The following VSTM2A variants were observed in gnomAD, a reference collection of about 807,000 sequenced individuals.
The protein encoded by VSTM2A is V-set and transmembrane domain-containing protein 2A.
A neutral mutation model predicts 27.3 loss-of-function variants in VSTM2A; 13 were observed. The observed-to-expected ratio is 0.48, with a 90% CI of 0.31 to 0.76. The LOEUF (loss-of-function observed/expected upper bound fraction) is 0.76. Ranked by LOEUF, VSTM2A falls within the 30% of genes least tolerant of loss-of-function variation. The pLI, the probability that VSTM2A is intolerant of heterozygous loss-of-function variation, is 0.05. For synonymous variants in VSTM2A, 142 were observed against 125.7 expected, an observed-to-expected ratio of 1.13 and a Z score of -0.87; for missense variants, 280 against 310.0, an observed-to-expected ratio of 0.90 and a Z score of 0.73.
intron 4 of VSTM2A, among the ~76,000 whole-genome samples, chr7:54,554,705 C>G (rs1245758451): frequency 6.6e-6 from 1 of 152,206 alleles, no homozygotes; most frequent in Non-Finnish European, 1.5e-5. Context: ...AGTGCAGCCA[C>G]CTTACTGAGT....
intron 2 of VSTM2A, 21 bp downstream of exon 2, chr7:54,544,809 C>A: frequency 6.3e-7 from 1 of 1,580,162 alleles, no homozygotes; most frequent in Non-Finnish European, 8.6e-7. Flanking sequence ...CCGCCGACCC[C>A]GCGTCTCCCC....
chr7:54,549,248 C>T (rs1788103083), intron 3 of VSTM2A, among the ~76,000 whole-genome samples: 1 of 151,984 alleles, frequency 6.6e-6, no homozygotes, highest in South Asian at 2.1e-4. Flanking sequence ...GAAGCTGTAC[C>T]CCAAGCCATG....
At chr7:54,564,900 A>T in intron 4 of VSTM2A, among the ~76,000 whole-genome samples, 1 of 152,244 alleles carries the variant, frequency 6.6e-6, no homozygotes, top group East Asian at 1.9e-4. Flanking sequence ...CATTACAAAG[A>T]ACAAAGAAGC....
At chr7:54,550,855 G>A (rs568173140) in intron 4 of VSTM2A, 2 of 152,690 alleles carry the variant, frequency 1.3e-5, no homozygotes, top group African/African-American at 4.8e-5. Flanking sequence ...ATGGAAATGC[G>A]TGGAAGTTTT....
At chr7:54,551,242 A>G (rs1788183818) in intron 4 of VSTM2A, 1 of 152,152 alleles carries the variant, frequency 6.6e-6, no homozygotes, top group Non-Finnish European at 1.5e-5. Flanking sequence ...ACATGTAGAA[A>G]TACATATAGG....
At position 54,550,017 on chromosome 7, in the gene VSTM2A, G is replaced by A. The variant is rs548506452; in HGVS notation, c.481G>A (p.Glu161Lys). ...NSHARRMQAF[E>K]ASPMWLQDMK... Reference sequence around the variant, plus strand: ...CCATGCCCGCAGAATGCAGGCCTTCGAAGCCTCGCCCATGTGGCTGCAGGA... The same window carrying A: ...CCATGCCCGCAGAATGCAGGCCTTCAAAGCCTCGCCCATGTGGCTGCAGGA... Residue 161 changes from glutamate to lysine, a missense_variant, in exon 4 of 5, where the codon GAA (glutamate) becomes AAA (lysine). Glu to Lys is a moderately conservative substitution (Grantham distance 56). Coordinates refer to ENST00000402613, the MANE Select transcript of VSTM2A (RefSeq NM_001301009.2). 10 of 1,611,666 alleles carry A rather than the reference G, an allele frequency of 6.2e-6. No individual in the cohort carries two copies. Among genetic ancestry groups the A allele is most frequent in the South Asian group, 3.3e-5 (3 of 90,540 alleles).
At position 54,550,120 on chromosome 7, in the gene VSTM2A, C is replaced by T. The variant is rs763197564; in HGVS notation, c.584C>T (p.Thr195Ile). Residue 195 changes from threonine to isoleucine, a missense_variant, in exon 4 of 5, where the codon ACC becomes ATC. Physicochemically the swap from Thr to Ile is moderately conservative, Grantham distance 89 (BLOSUM62 -1). Coordinates refer to ENST00000402613, the MANE Select transcript of VSTM2A (RefSeq NM_001301009.2). ...TCTGCCAACCAACGAACGCACTCCA[C>T]CTCCAGCCCTCAAGTGGTAGCCAAA... ...HGSANQRTHS[T>I]SSPQVVAKIP... The T allele has an allele frequency of 1.7e-5, 28 of 1,607,022 alleles. No individual in the cohort carries two copies. The highest frequency in any genetic ancestry group is 1.9e-5 in the Non-Finnish European group (22 of 1,176,832).
At chr7:54,559,859 C>T (rs1468862936) in intron 4 of VSTM2A, 1 of 151,956 alleles carries the variant, frequency 6.6e-6, no homozygotes, top group Non-Finnish European at 1.5e-5. Flanking sequence ...CGTGAAAAAA[C>T]ATAGGATACA....
At chr7:54,562,897 G>T (rs11971187) in intron 4 of VSTM2A, among the ~76,000 whole-genome samples, 1 of 152,154 alleles carries the variant, frequency 6.6e-6, no homozygotes, top group African/African-American at 2.4e-5. Flanking sequence ...GAATGCTAAC[G>T]AATAATGAAA....
intron 3 of VSTM2A, 34 bp downstream of exon 3, chr7:54,547,031 A>T (rs751473431): frequency 1.9e-6 from 3 of 1,559,802 alleles, no homozygotes; most frequent in Non-Finnish European, 2.6e-6. Context: ...CCGCGGGCCC[A>T]GGCTCGGGAC....
intron 4 of VSTM2A, among the ~76,000 whole-genome samples, chr7:54,566,247 A>T (rs564046980): frequency 6.6e-6 from 1 of 152,228 alleles, no homozygotes; most frequent in Non-Finnish European, 1.5e-5. Flanking sequence ...TTTTCTTCAC[A>T]TAATTTAGAT....
chr7:54,568,672 A>G (rs2877216), intron 4 of VSTM2A, among the ~76,000 whole-genome samples: 20,622 of 151,820 alleles, frequency 0.14, 2,557 homozygotes, highest in African/African-American at 0.32. Context: ...AAAAAAAAAA[A>G]GATGTGTTTT....
chr7:54,544,851 C>T (rs1049231234), intron 2 of VSTM2A, 63 bp downstream of exon 2: 1 of 1,500,498 alleles, frequency 6.7e-7, no homozygotes, highest in Non-Finnish European at 8.9e-7. Flanking sequence ...GTGTCCGGCC[C>T]GGGGCTGGGG....
intron 4 of VSTM2A, chr7:54,558,799 G>C (rs754752486): frequency 1.3e-5 from 2 of 151,874 alleles, no homozygotes; most frequent in African/African-American, 4.8e-5. Flanking sequence ...TCCAAATGAA[G>C]GCCAGTTAAA....
rs1450879036 is a variant in VSTM2A, at chr7:54,570,265, A to G, written c.*1046A>G. 6.6e-6 allele frequency: 1 copy of G among 152,166 alleles called. No individual in the cohort carries two copies. The highest frequency in any genetic ancestry group is 2.4e-5 in the African/African-American group (1 of 41,440). The allele number at this position is 152,166 out of a possible 1,614,324, so 9.4% of individuals were successfully genotyped here. ...TTTTGACAGCTATTTCTGTATTATT[A>G]TCATTATAATCTTGTCAAATAGAAA... is the stretch of plus-strand genomic sequence containing the variant. On this transcript the variant is annotated 3_prime_UTR_variant, in exon 5 of 5. Coordinates refer to ENST00000402613, the MANE Select transcript of VSTM2A (RefSeq NM_001301009.2).
At chr7:54,549,539 T>C (rs931004127) in intron 3 of VSTM2A, among the ~76,000 whole-genome samples, 1 of 152,138 alleles carries the variant, frequency 6.6e-6, no homozygotes, top group Admixed American at 6.5e-5. Context: ...AATCCCATGA[T>C]GGAAAAATGA....
intron 4 of VSTM2A, among the ~76,000 whole-genome samples, chr7:54,566,668 T>G (rs1788733687): frequency 6.6e-6 from 1 of 152,208 alleles, no homozygotes; most frequent in Non-Finnish European, 1.5e-5. Flanking sequence ...ATGCAATACC[T>G]GGCATACTAA....
chr7:54,545,478 GA>G (rs1432430929), intron 2 of VSTM2A, among the ~76,000 whole-genome samples: 1 of 137,180 alleles, frequency 7.3e-6, no homozygotes, highest in Admixed American at 7.3e-5. Context: ...GAGGGAAGGG[GA>G]AAAGAGGGAG....
chr7:54,556,008 T>G (rs528215504), intron 4 of VSTM2A, among the ~76,000 whole-genome samples: 1 of 152,354 alleles, frequency 6.6e-6, no homozygotes, highest in South Asian at 2.1e-4. Flanking sequence ...GTTAAAAGAA[T>G]CATTGGCTTT....
Sources: gnomAD v4.1 joint callset for allele counts (sites outside exome capture counted in the v4.1 genomes callset) on GRCh38, gnomAD v4.1.1 for gene constraint, MANE v1.5 for transcripts, NCBI Gene and HGNC (gene_info 2026-07-23, HGNC 2026-07-21) for gene names.